The following GRB10 variants were observed in gnomAD, a reference collection of about 807,000 sequenced individuals.
The protein encoded by GRB10 is growth factor receptor bound protein 10.
In GRB10, 20 loss-of-function variants were observed where a neutral mutation model predicts 80.9. That is an observed-to-expected ratio of 0.25 (90% CI 0.17 to 0.36). GRB10 has a LOEUF of 0.36. GRB10 is among the 10% of genes least tolerant of loss of function. GRB10 has a pLI of 1.00. For synonymous variants in GRB10, 291 were observed against 291.5 expected (o/e 1.00, Z 0.02); for missense variants, 548 against 747.7 (o/e 0.73, Z 3.12).
intron 5 of GRB10, among the ~76,000 whole-genome samples, chr7:50,701,407 C>A (rs1254268266): frequency 6.6e-6 from 1 of 151,990 alleles, no homozygotes; most frequent in Admixed American, 6.6e-5. Context: ...GCCTGGGAAG[C>A]CTAGCAAGGA....
intron 3 of GRB10, among the ~76,000 whole-genome samples, chr7:50,745,071 T>C (rs1257325055): frequency 6.6e-6 from 1 of 152,200 alleles, no homozygotes; most frequent in Non-Finnish European, 1.5e-5. Context: ...TTTCTTAATT[T>C]TTTTGGTATT....
Position 50,593,043 on chromosome 7 carries a change from G to A in GRB10, c.1694C>T (p.Ser565Phe). The change falls in exon 19 of 19, where the codon TCT becomes TTT. Residue 565 changes from serine (S) to phenylalanine (F), a missense_variant. This residue lies in a region of GRB10 where 32 missense variants were observed against 66.0 expected (regional missense o/e 0.48). Coordinates refer to ENST00000401949, the MANE Select transcript of GRB10 (RefSeq NM_001350814.2). ...AAAGTCAACCAGCTGGATCAGGTCA[G>A]AGAATTTGGTGTTCCCGTCATCTAG... is the stretch of plus-strand genomic sequence containing the variant. ...FSLDDGNTKF[S>F]DLIQLVDFYQ... is the part of the protein sequence containing the mutation. The A allele has an allele frequency of 1.2e-6, 2 of 1,614,234 alleles. No individual in the cohort carries two copies. The highest frequency in any genetic ancestry group is 1.7e-6 in the Non-Finnish European group (2 of 1,180,038).
At chr7:50,638,165 T>C (rs1306685140) in intron 7 of GRB10, among the ~76,000 whole-genome samples, 2 of 152,158 alleles carry the variant, frequency 1.3e-5, no homozygotes, top group Admixed American at 1.3e-4. Context: ...CTGGAAACTA[T>C]AAAAGTCCTA....
intron 3 of GRB10, among the ~76,000 whole-genome samples, chr7:50,736,037 A>G (rs1354508361): frequency 6.6e-6 from 1 of 151,780 alleles, no homozygotes; most frequent in Non-Finnish European, 1.5e-5. Flanking sequence ...CTGTAAACCT[A>G]GCACTTTGGA....
intron 2 of GRB10, among the ~76,000 whole-genome samples, chr7:50,774,996 A>G (rs1451095920): frequency 6.9e-6 from 1 of 144,318 alleles, no homozygotes; most frequent in East Asian, 2.1e-4. Context: ...AAAACAAAAC[A>G]AAACAAAAAA....
intron 7 of GRB10, among the ~76,000 whole-genome samples, chr7:50,639,630 G>A (rs1001892091): frequency 8.6e-5 from 13 of 151,284 alleles, no homozygotes; most frequent in African/African-American, 2.9e-4. Flanking sequence ...CCGAGATTGC[G>A]CCACTGCACT....
intron 18 of GRB10, 93 bp downstream of exon 18, chr7:50,595,344 T>TA: frequency 1.3e-6 from 1 of 785,016 alleles, no homozygotes; most frequent in South Asian, 1.4e-5. Flanking sequence ...GTCTGATACT[T>TA]ACCGGTCTTG....
chr7:50,732,850 C>A (rs536330275), intron 3 of GRB10, among the ~76,000 whole-genome samples: 4 of 152,256 alleles, frequency 2.6e-5, no homozygotes, highest in Admixed American at 2.6e-4. Flanking sequence ...TAGAACAAAT[C>A]GGAATTCTCA....
At chr7:50,711,967 G>A (rs538109116) in intron 4 of GRB10, among the ~76,000 whole-genome samples, 2 of 152,174 alleles carry the variant, frequency 1.3e-5, no homozygotes, top group African/African-American at 4.8e-5. Context: ...TCTCGTAAGC[G>A]TGGGTGTGAG....
chr7:50,608,869 G>A (rs375042953), intron 13 of GRB10, among the ~76,000 whole-genome samples: 5 of 151,754 alleles, frequency 3.3e-5, no homozygotes, highest in African/African-American at 1.2e-4. Flanking sequence ...GGAGGCTGAG[G>A]TGGGAAGATG....
At chr7:50,749,107 TTTTTG>T (rs1197982828) in intron 3 of GRB10, among the ~76,000 whole-genome samples, 82 of 140,330 alleles carry the variant, frequency 5.8e-4, no homozygotes, top group African/African-American at 2.0e-3. Context: ...ATGTTGGGTT[TTTTTG>T]TTTTGTTTTG....
At chr7:50,617,498 A>G (rs564816624) in intron 10 of GRB10, among the ~76,000 whole-genome samples, 1 of 152,352 alleles carries the variant, frequency 6.6e-6, no homozygotes, top group South Asian at 2.1e-4. Context: ...AGCTGGGCAC[A>G]GAGGCCCTGG....
chr7:50,675,137 C>T (rs767481137), intron 5 of GRB10, among the ~76,000 whole-genome samples: 5 of 152,212 alleles, frequency 3.3e-5, no homozygotes, highest in Non-Finnish European at 5.9e-5. Flanking sequence ...ACACTGGTTC[C>T]AGCCCAGAAA....
chr7:50,712,318 G>T (rs147761739), intron 4 of GRB10, among the ~76,000 whole-genome samples: 1 of 152,316 alleles, frequency 6.6e-6, no homozygotes, highest in East Asian at 1.9e-4. Flanking sequence ...TTTAAGCAGA[G>T]ATTTCAGTCA....
intron 5 of GRB10, among the ~76,000 whole-genome samples, chr7:50,684,171 C>T (rs2061843705): frequency 1.3e-5 from 2 of 150,670 alleles, no homozygotes; most frequent in East Asian, 3.9e-4. Context: ...CACCCATTTC[C>T]CCAGGACAAC....
At position 50,592,587 on chromosome 7, in the gene GRB10, A is replaced by C. The variant is rs1471054429; in HGVS notation, c.*365T>G. The C allele has an allele frequency of 9.5e-6, 3 of 316,900 alleles. No individual in the cohort carries two copies. Among genetic ancestry groups the C allele is most frequent in the African/African-American group, 2.1e-5 (1 of 47,068 alleles). 19.6% of individuals were successfully genotyped at this position (316,900 alleles called of 1,614,324 possible). On this transcript the variant is annotated 3_prime_UTR_variant, in exon 19 of 19. Coordinates refer to ENST00000401949, the MANE Select transcript of GRB10 (RefSeq NM_001350814.2). ...TGATCAATACAAAAAAAGTAAACATATCAGTTTTAATTGTCAAGATTATTC... is the reference window on the plus strand; with the variant it reads ...TGATCAATACAAAAAAAGTAAACATCTCAGTTTTAATTGTCAAGATTATTC...
Position 50,590,153 on chromosome 7 carries a change from C to T in GRB10, c.*2799G>A, listed in dbSNP as rs774762007. The T allele has an allele frequency of 2.0e-5, 3 of 152,140 alleles. No individual in the cohort carries two copies. Among genetic ancestry groups the T allele is most frequent in the Admixed American group, 6.5e-5 (1 of 15,280 alleles). The allele number at this position is 152,140 out of a possible 1,614,324, so 9.4% of individuals were successfully genotyped here. A position where few individuals can be genotyped will look rare whatever the true frequency, so the allele number is the denominator to read the frequency against. ...TTGTACAAAAATACCTGAAAGTTTACAATTAGGTTCACGAGCCAAAGAGCT... is the reference window on the plus strand; with the variant it reads ...TTGTACAAAAATACCTGAAAGTTTATAATTAGGTTCACGAGCCAAAGAGCT... On this transcript the variant is annotated 3_prime_UTR_variant, in exon 19 of 19. Coordinates refer to ENST00000401949, the MANE Select transcript of GRB10 (RefSeq NM_001350814.2).
At chr7:50,674,355 C>T in intron 6 of GRB10, 81 bp downstream of exon 6, 2 of 1,353,422 alleles carry the variant, frequency 1.5e-6, no homozygotes, top group Non-Finnish European at 2.1e-6. Flanking sequence ...CCCCCCAACA[C>T]CATTTAACTC....
chr7:50,616,458 G>A (rs1256243554), intron 10 of GRB10, 111 bp from the exon 11 acceptor site: 10 of 1,010,312 alleles, frequency 9.9e-6, no homozygotes, highest in East Asian at 2.6e-5. Context: ...CTCCTTTTTG[G>A]ATCAAAATGA....
Sources: gnomAD v4.1 joint callset for allele counts (sites outside exome capture counted in the v4.1 genomes callset) on GRCh38, gnomAD v4.1.1 for gene constraint, gnomAD v4.1.1 regional missense constraint, MANE v1.5 for transcripts, NCBI Gene and HGNC (gene_info 2026-07-23, HGNC 2026-07-21) for gene names.